Variants in PLCE1 observed in about 807,000 individuals in gnomAD.
The protein encoded by PLCE1 is phospholipase C epsilon 1.
A neutral mutation model predicts 242.8 loss-of-function variants in PLCE1; 119 were observed. The ratio of observed to expected loss-of-function variants is 0.49; its 90% confidence interval spans 0.42 to 0.57. PLCE1 has a LOEUF of 0.57. Among genes scored for constraint, PLCE1 ranks in the 20% least tolerant of loss-of-function variants. The probability of loss-of-function intolerance (pLI) is 0.00; values close to 1 mark genes in which losing one functional copy is unlikely to be tolerated. For synonymous variants in PLCE1, 945 were observed against 1,017.4 expected (o/e 0.93, Z 1.35); for missense variants, 2,441 against 2,788.8 (o/e 0.88, Z 2.81).
rs1173695828 is a variant in PLCE1 at position 94,330,804 on chromosome 10, C to CAGCT, written c.*2863_*2866dup. ...TTTATTTAAAGCTTTCTGAATTAAA[C>CAGCT]AGCTATATTATGCCAAGTGAAAGAA... On this transcript the variant is annotated 3_prime_UTR_variant, in exon 33 of 33. Transcript: ENST00000371380. 6.6e-6 allele frequency: 1 copy of CAGCT among 151,754 alleles called. No individual in the cohort carries two copies. Among genetic ancestry groups the CAGCT allele is most frequent in the Non-Finnish European group, 1.5e-5 (1 of 67,996 alleles). The allele number at this position is 151,754 out of a possible 1,614,324, so 9.4% of individuals were successfully genotyped here.
chr10:94,026,304 AT>A (rs2061451974), intron 1 of PLCE1, among the ~76,000 whole-genome samples: 1 of 152,108 alleles, frequency 6.6e-6, no homozygotes, highest in African/African-American at 2.4e-5. Context: ...CATATTACCT[AT>A]CCCCAAATAT....
Position 94,293,610 on chromosome 10 carries a change from C to T in PLCE1, c.5138C>T (p.Thr1713Ile), listed in dbSNP as rs1333813518. 15 of 1,613,766 alleles carry T rather than the reference C, an allele frequency of 9.3e-6. No homozygotes were observed. The highest frequency in any genetic ancestry group is 1.3e-5 in the African/African-American group (1 of 74,916). Residue 1713 changes from threonine to isoleucine, a missense_variant, in exon 23 of 33, where the codon ACA becomes ATA. By Grantham distance (89) the Thr-to-Ile change is moderately conservative. Transcript: ENST00000371380. ...NNPGRMSPGETASFNKTSGKS... is the reference protein window; with the variant it reads ...NNPGRMSPGEIASFNKTSGKS... The stretch of plus-strand genomic sequence containing the variant: ...CCGGGCAGAATGAGCCCAGGGGAGA[C>T]AGCATCATTTAACAAAACATCTGGA...
At chr10:94,287,616 C>A (rs1401515986) in intron 22 of PLCE1, 1 of 152,040 alleles carries the variant, frequency 6.6e-6, no homozygotes, top group Non-Finnish European at 1.5e-5. Context: ...CAGGGGTGGG[C>A]TCTTTGCACC....
Position 94,179,530 on chromosome 10 carries a change from T to TTTTTTTTTTTTTTTTGA in PLCE1, c.1809+8034_1809+8035insTTTTTTTTTTTTTTTGA, listed in dbSNP as rs10636243. On this transcript the variant is annotated intron_variant, in intron 4 of 32. Coordinates refer to ENST00000371380, the MANE Select transcript of PLCE1 (RefSeq NM_016341.4). The stretch of plus-strand genomic sequence containing the variant: ...TAGTTTAGTTTTTTTTTTTTTTTTT[T>TTTTTTTTTTTTTTTTGA]GACAGGGTCTCTGTTGCCCAGGCTG... Among the ~76,000 whole-genome samples the TTTTTTTTTTTTTTTTGA allele has an allele frequency of 2.6e-4, 31 of 118,820 alleles. 2 individuals carry two copies. Among genetic ancestry groups the TTTTTTTTTTTTTTTTGA allele is most frequent in the African/African-American group, 4.8e-4 (15 of 31,016 alleles). The allele number at this position is 118,820 out of a possible 152,430, so 78.0% of individuals were successfully genotyped here. A position where few individuals can be genotyped will look rare whatever the true frequency, so the allele number is the denominator to read the frequency against.
Position 94,306,277 on chromosome 10 carries a change from C to T in PLCE1, c.5623-150C>T, listed in dbSNP as rs2053202046. 7.1e-7 allele frequency: 1 copy of T among 1,407,372 alleles called. No individual in the cohort carries two copies. The highest frequency in any genetic ancestry group is 1.2e-5 in the South Asian group (1 of 84,294). 87.2% of individuals were successfully genotyped at this position (1,407,372 alleles called of 1,614,324 possible). ...AAGCCACCGCGCCCAGCCCTACAAT[C>T]ACTTACTTTTTAAACAGTTTTATTC... On this transcript the variant is annotated intron_variant, in intron 25 of 32. Transcript: ENST00000371380. This position sits in a 1 kb window ranked among gnomAD's most constrained non-coding sequence, Gnocchi z 5.7.
rs765988747 is a variant in PLCE1 at position 94,304,654 on chromosome 10, G to A, written c.5622+9G>A. ...CAGTCTATTCTTTAACTGTAAGTAC[G>A]GCCCCTAGAGAAAGAACATAAGGTC... is the stretch of plus-strand genomic sequence containing the variant. On this transcript the variant is annotated intron_variant, in intron 25 of 32. Transcript: ENST00000371380. The A allele has an allele frequency of 3.1e-6, 5 of 1,613,282 alleles. No homozygotes were observed. The highest frequency in any genetic ancestry group is 1.7e-5 in the Admixed American group (1 of 59,986).
intron 2 of PLCE1, among the ~76,000 whole-genome samples, chr10:94,078,427 T>C (rs918448842): frequency 6.6e-6 from 1 of 152,186 alleles, no homozygotes; most frequent in African/African-American, 2.4e-5. Flanking sequence ...TCTTGCCTTG[T>C]GCTTTTCCGT....
intron 2 of PLCE1, among the ~76,000 whole-genome samples, chr10:94,068,086 C>G (rs751555440): frequency 1.3e-5 from 2 of 152,166 alleles, no homozygotes; most frequent in Non-Finnish European, 2.9e-5. Flanking sequence ...TGGGGCTCTG[C>G]CAGTCCCAGG....
intron 2 of PLCE1, chr10:94,100,665 G>A (rs769539775): frequency 6.6e-6 from 1 of 152,214 alleles, no homozygotes; most frequent in Non-Finnish European, 1.5e-5. Flanking sequence ...TTCAGTTCTT[G>A]TCTTCTCTTG....
intron 11 of PLCE1, among the ~76,000 whole-genome samples, chr10:94,256,818 C>T (rs576376633): frequency 6.6e-6 from 1 of 152,248 alleles, no homozygotes; most frequent in East Asian, 1.9e-4. Flanking sequence ...AGAAAGAAAA[C>T]ACAAGACAGG....
At chr10:94,130,909 T>C (rs2046580444) in intron 2 of PLCE1, among the ~76,000 whole-genome samples, 2 of 152,202 alleles carry the variant, frequency 1.3e-5, no homozygotes, top group Admixed American at 1.3e-4. Flanking sequence ...GAGAGTCTTC[T>C]ACTCCCTGGC....
chr10:94,316,389 A>T (rs1414368603), intron 28 of PLCE1, among the ~76,000 whole-genome samples, 158 bp from the exon 29 acceptor site: 1 of 152,214 alleles, frequency 6.6e-6, no homozygotes, highest in Non-Finnish European at 1.5e-5. Context: ...ATCCATTCTG[A>T]ACATAAGAGA....
chr10:94,109,561 T>C (rs143802103), intron 2 of PLCE1, among the ~76,000 whole-genome samples: 1,777 of 152,238 alleles, frequency 0.012, 33 homozygotes, highest in African/African-American at 0.041. Flanking sequence ...TGAGCCAAGA[T>C]TGTGCCACTG....
chr10:94,161,398 G>A (rs530691310), intron 3 of PLCE1, among the ~76,000 whole-genome samples: 4 of 152,242 alleles, frequency 2.6e-5, no homozygotes, highest in East Asian at 1.9e-4. Flanking sequence ...TGGATTGCTA[G>A]GTATTTAATT....
chr10:94,221,267 G>A (rs1021814053), intron 4 of PLCE1, among the ~76,000 whole-genome samples: 2 of 152,194 alleles, frequency 1.3e-5, no homozygotes, highest in Non-Finnish European at 2.9e-5. Flanking sequence ...TGATGTCAGT[G>A]CTCCACATTT....
chr10:94,050,408 A>G (rs1428905614), intron 2 of PLCE1, among the ~76,000 whole-genome samples: 2 of 152,134 alleles, frequency 1.3e-5, no homozygotes, highest in Non-Finnish European at 2.9e-5. Context: ...AACTTCCCCC[A>G]TGATGCAATC....
intron 2 of PLCE1, chr10:94,107,128 G>A (rs1161898295): frequency 6.6e-6 from 1 of 152,376 alleles, no homozygotes; most frequent in Non-Finnish European, 1.5e-5. Context: ...GTGCCAATTG[G>A]GTTGATGTTT....
chr10:94,090,764 T>A (rs1201016414), intron 2 of PLCE1, among the ~76,000 whole-genome samples: 1 of 152,212 alleles, frequency 6.6e-6, no homozygotes, highest in East Asian at 1.9e-4. Context: ...CCTGTTTTTC[T>A]TTTTGGAAAC....
chr10:94,313,579 T>C (rs552690044), intron 28 of PLCE1, among the ~76,000 whole-genome samples, 197 bp downstream of exon 28: 41 of 152,336 alleles, frequency 2.7e-4, no homozygotes, highest in African/African-American at 9.1e-4. Flanking sequence ...CTGATGGATC[T>C]TGGTACCACT....
Sources: allele counts gnomAD v4.1 joint callset (sites outside exome capture counted in the v4.1 genomes callset), GRCh38; gene constraint gnomAD v4.1.1; non-coding constraint Gnocchi (gnomAD v3.1); transcripts MANE v1.5; gene names NCBI Gene and HGNC (gene_info 2026-07-23, HGNC 2026-07-21).